The following NRXN3 variants were observed in gnomAD, a reference collection of about 807,000 sequenced individuals.
NRXN3 encodes neurexin III.
NRXN3 carries 32 observed loss-of-function variants against 137.6 expected under a neutral mutation model. That is an observed-to-expected ratio of 0.23 (90% CI 0.18 to 0.31). The LOEUF (loss-of-function observed/expected upper bound fraction) is 0.31, where lower values mean the gene tolerates loss of function less well. Ranked by LOEUF, NRXN3 falls within the 10% of genes least tolerant of loss-of-function variation. NRXN3 has a pLI of 1.00. For synonymous variants in NRXN3, 798 were observed against 784.5 expected (o/e 1.02, Z -0.29); for missense variants, 1,574 against 2,062.5 (o/e 0.76, Z 4.59).
intron 16 of NRXN3, among the ~76,000 whole-genome samples, chr14:79,519,975 G>A (rs969496224): frequency 6.6e-6 from 1 of 151,880 alleles, no homozygotes; most frequent in Admixed American, 6.6e-5. Context: ...CATTGAATAA[G>A]CAAGATGATT....
intron 15 of NRXN3, among the ~76,000 whole-genome samples, chr14:79,380,126 C>T (rs758684378): frequency 6.1e-5 from 9 of 146,602 alleles, no homozygotes; most frequent in Non-Finnish European, 1.2e-4. Context: ...GGGCAGGGAA[C>T]AGGAGACCTA....
At chr14:79,345,118 T>G (rs186431043) in intron 15 of NRXN3, among the ~76,000 whole-genome samples, 34 of 152,306 alleles carry the variant, frequency 2.2e-4, no homozygotes, top group Non-Finnish European at 3.5e-4. Context: ...ATTCTTTTTT[T>G]GGGTATTTGC....
At chr14:79,241,582 T>C (rs1348538086) in intron 15 of NRXN3, among the ~76,000 whole-genome samples, 1 of 152,142 alleles carries the variant, frequency 6.6e-6, no homozygotes, top group East Asian at 1.9e-4. Flanking sequence ...TATCTCCACC[T>C]GGCCCCACCC....
At chr14:79,280,372 A>T (rs1238448839) in intron 15 of NRXN3, 1 of 1,613,912 alleles carries the variant, frequency 6.2e-7, no homozygotes, top group Middle Eastern at 1.6e-4. Context: ...TGTTCTGGGG[A>T]TGTATCGTCA....
intron 15 of NRXN3, among the ~76,000 whole-genome samples, chr14:79,237,357 T>C (rs1318362588): frequency 6.6e-6 from 1 of 152,042 alleles, no homozygotes; most frequent in East Asian, 1.9e-4. Flanking sequence ...ACAGGGGAGA[T>C]GATGGCTAGC....
intron 4 of NRXN3, among the ~76,000 whole-genome samples, chr14:78,346,874 G>C (rs879943259): frequency 1.3e-5 from 2 of 152,188 alleles, no homozygotes; most frequent in Non-Finnish European, 2.9e-5. Flanking sequence ...GCAGAGGCTT[G>C]TCCACTAAAT....
At chr14:79,755,313 G>A (rs2099015575) in intron 19 of NRXN3, among the ~76,000 whole-genome samples, 1 of 151,830 alleles carries the variant, frequency 6.6e-6, no homozygotes. Context: ...TTATATTTTT[G>A]TTTTTTGAAT....
At chr14:78,250,096 A>G (rs2068357732) in intron 2 of NRXN3, 1 of 516,650 alleles carries the variant, frequency 1.9e-6, no homozygotes, top group Non-Finnish European at 3.9e-6. Context: ...ATTTTTTTGG[A>G]TAAGGAAGCT....
chr14:79,769,503 A>T (rs1008190258), intron 19 of NRXN3, among the ~76,000 whole-genome samples: 2 of 152,196 alleles, frequency 1.3e-5, no homozygotes, highest in African/African-American at 4.8e-5. Context: ...TCAACCCAGA[A>T]TCTCATATCC....
intron 10 of NRXN3, among the ~76,000 whole-genome samples, chr14:78,850,453 T>G (rs2099039560): frequency 6.6e-6 from 1 of 152,148 alleles, no homozygotes; most frequent in Non-Finnish European, 1.5e-5. Flanking sequence ...ACATTTGGTG[T>G]GTCCTTTGAA....
At chr14:79,375,235 G>GTTTTTTTT (rs35994648) in intron 15 of NRXN3, among the ~76,000 whole-genome samples, 1 of 129,986 alleles carries the variant, frequency 7.7e-6, no homozygotes. Flanking sequence ...GAGTTTTTGT[G>GTTTTTTTT]TTTTTTTTTT....
At chr14:79,234,351 A>G (rs1415466807) in intron 15 of NRXN3, among the ~76,000 whole-genome samples, 1 of 129,776 alleles carries the variant, frequency 7.7e-6, no homozygotes. Context: ...ATATTTATAT[A>G]TATATTATAT....
At position 78,319,033 on chromosome 14, in the gene NRXN3, G is replaced by C. The variant is rs550088808; in HGVS notation, c.757+21173G>C. Among the ~76,000 whole-genome samples the C allele has an allele frequency of 2.4e-4, 37 of 152,318 alleles. 1 individual carries two copies. The South Asian group carries it at 7.7e-3, about 32-fold the overall frequency. On this transcript the variant is annotated intron_variant, in intron 4 of 20. Coordinates refer to ENST00000335750, the MANE Select transcript of NRXN3 (RefSeq NM_001330195.2). ...GGGATGTCCATGATGTTGCTGGTAT[G>C]TGGACCATTCTTTGGAGGGACAAGT...
At chr14:79,595,849 T>C (rs2097853603) in intron 16 of NRXN3, among the ~76,000 whole-genome samples, 1 of 152,226 alleles carries the variant, frequency 6.6e-6, no homozygotes, top group African/African-American at 2.4e-5. Context: ...GTTCACATTA[T>C]GTTTCTCTTG....
At chr14:79,853,598 A>G in intron 20 of NRXN3, 2 of 1,351,620 alleles carry the variant, frequency 1.5e-6, no homozygotes, top group Non-Finnish European at 2.0e-6. Context: ...ATGGCGACTC[A>G]CTTACACATT....
At chr14:79,604,992 A>C (rs1245375807) in intron 16 of NRXN3, among the ~76,000 whole-genome samples, 1 of 152,188 alleles carries the variant, frequency 6.6e-6, no homozygotes, top group Non-Finnish European at 1.5e-5. Flanking sequence ...AGATCAAGCC[A>C]CTACACTCTA....
At chr14:79,573,137 T>C (rs2097626335) in intron 16 of NRXN3, 1 of 152,310 alleles carries the variant, frequency 6.6e-6, no homozygotes, top group South Asian at 2.1e-4. Flanking sequence ...AAATATATAT[T>C]AGTTTCATCA....
intron 15 of NRXN3, among the ~76,000 whole-genome samples, chr14:79,454,349 T>G (rs535368882): frequency 2.0e-5 from 3 of 152,124 alleles, no homozygotes; most frequent in Non-Finnish European, 4.4e-5. Flanking sequence ...CCCAAAGTGA[T>G]GGGATTACAA....
chr14:79,182,437 C>T (rs1362349068), intron 15 of NRXN3, among the ~76,000 whole-genome samples: 1 of 151,830 alleles, frequency 6.6e-6, no homozygotes, highest in Admixed American at 6.6e-5. Context: ...AGTGACAGAT[C>T]ATCAGGTATT....
Sources: allele counts gnomAD v4.1 joint callset (sites outside exome capture counted in the v4.1 genomes callset), GRCh38; gene constraint gnomAD v4.1.1; transcripts MANE v1.5; gene names NCBI Gene and HGNC (gene_info 2026-07-23, HGNC 2026-07-21).